WDR6: variants seen among roughly 807,000 people sequenced by gnomAD.
WDR6 encodes the protein tRNA (34-2'-O)-methyltransferase regulator WDR6.
Under a neutral mutation model 85.6 loss-of-function variants are expected in WDR6, and 58 were observed. The observed-to-expected ratio is 0.68, with a 90% CI of 0.55 to 0.84. The LOEUF (loss-of-function observed/expected upper bound fraction) is 0.84. WDR6 is among the 40% of genes least tolerant of loss of function. The pLI, the probability that WDR6 is intolerant of heterozygous loss-of-function variation, is 0.00. For missense variants in WDR6, 1,310 were observed against 1,476.4 expected, an observed-to-expected ratio of 0.89 and a Z score of 1.85; for synonymous variants, 569 against 582.2, an observed-to-expected ratio of 0.98 and a Z score of 0.33.
rs1265316740 is a variant in WDR6 at position 49,011,910 on chromosome 3, G to A, written c.376G>A (p.Glu126Lys). 1 of 1,614,128 alleles carries A rather than the reference G, an allele frequency of 6.2e-7. No individual in the cohort carries two copies. Among genetic ancestry groups the A allele is most frequent in the Non-Finnish European group, 8.5e-7 (1 of 1,180,054 alleles). The change falls in exon 2 of 6, where the codon GAG becomes AAG. Residue 126 changes from glutamate to lysine, a missense_variant. Physicochemically the swap from Glu to Lys is moderately conservative, Grantham distance 56. Transcript: ENST00000608424. Reference protein sequence around the residue: ...SDWIWDARWLEGNIALALGHN... With the variant: ...SDWIWDARWLKGNIALALGHN... ...CTGGATTTGGGATGCACGCTGGCTT[G>A]AGGGAAATATAGCCTTGGCCCTGGG...
In WDR6 at chr3:49,012,994, C is replaced by T. The variant is rs1180614948; in HGVS notation, c.1460C>T (p.Pro487Leu). The T allele has an allele frequency of 6.2e-7, 1 of 1,613,846 alleles. No individual in the cohort carries two copies. The highest frequency in any genetic ancestry group is 1.1e-5 in the South Asian group (1 of 91,076). ...AAGGAACGTTGTCGGTACCTGCTGC[C>T]CCCAAGCAAGCAGAGATGGCACACA... ...FVKERCRYLLPPSKQRWHTCS... is the reference protein window; with the variant it reads ...FVKERCRYLLLPSKQRWHTCS... Residue 487 changes from proline to leucine, a missense_variant, in exon 2 of 6, where the codon CCC becomes CTC. Physicochemically the swap from Pro to Leu is moderately conservative, Grantham distance 98 (BLOSUM62 -3). Transcript: ENST00000608424. The surrounding 1 kb of genome is among the most constrained non-coding windows in gnomAD (Gnocchi z 4.4).
rs1176043269 is a variant in WDR6 at position 49,014,855 on chromosome 3, C to A, written c.2933C>A (p.Ala978Asp). 5.6e-6 allele frequency: 9 copies of A among 1,608,766 alleles called. No homozygotes were observed. The highest frequency in any genetic ancestry group is 6.8e-6 in the Non-Finnish European group (8 of 1,176,142). ...GGCACCCCCTCCCTGACTCTCCAGGCCCACAGCTGTGGTATCAACAGCCTG... is the reference window on the plus strand; with the variant it reads ...GGCACCCCCTCCCTGACTCTCCAGGACCACAGCTGTGGTATCAACAGCCTG... ...RLGTPSLTLQ[A>D]HSCGINSLHT... Residue 978 changes from alanine to aspartate, a missense_variant, in exon 6 of 6, where the codon GCC (alanine) becomes GAC (aspartate). Physicochemically the swap from Ala to Asp is moderately radical, Grantham distance 126 (BLOSUM62 -2). Coordinates refer to ENST00000608424, the MANE Select transcript of WDR6 (RefSeq NM_018031.6). This position sits in a 1 kb window ranked among gnomAD's most constrained non-coding sequence, Gnocchi z 4.9.
Position 49,007,831 on chromosome 3 carries a change from G to T in WDR6, c.100+300G>T, listed in dbSNP as rs1052387825. Among the ~76,000 whole-genome samples, 8 of 152,052 alleles carry T rather than the reference G, an allele frequency of 5.3e-5. No individual in the cohort carries two copies. Among genetic ancestry groups the T allele is most frequent in the African/African-American group, 1.9e-4 (8 of 41,418 alleles). ...GGAACGCGGCCGCGCGGAGGCGGAG[G>T]CGGAGGCCCGGGAGCTGAGGGTTGA... On this transcript the variant is annotated intron_variant, in intron 1 of 5. Coordinates refer to ENST00000608424, the MANE Select transcript of WDR6 (RefSeq NM_018031.6). This position sits in a 1 kb window ranked among gnomAD's most constrained non-coding sequence, Gnocchi z 5.1.
chr3:49,008,184 T>A (rs2092995349), intron 1 of WDR6: 1 of 152,218 alleles, frequency 6.6e-6, no homozygotes, highest in Non-Finnish European at 1.5e-5. Flanking sequence ...ATGGTTGAGG[T>A]CCAGGAAATC....
chr3:49,012,597 ACT>A lies in WDR6; in HGVS notation c.1066_1067del (p.Leu356GlyfsTer11), dbSNP rs1219887461. ...RSRPGTLKAV[T>X]LAGSWRLLAV... ...TAGGCCAGGTACACTCAAGGCTGTG[ACT>A]CTGGCTGGCTCTTGGCGACTGCTGG... On this transcript the variant is annotated frameshift_variant, in exon 2 of 6. Transcript: ENST00000608424. LOFTEE classifies it high-confidence loss of function. This position sits in a 1 kb window ranked among gnomAD's most constrained non-coding sequence, Gnocchi z 4.4. 1.9e-6 allele frequency: 3 copies of A among 1,613,612 alleles called. No individual in the cohort carries two copies. Among genetic ancestry groups the A allele is most frequent in the Non-Finnish European group, 2.5e-6 (3 of 1,179,944 alleles).
In WDR6 at chr3:49,013,365, C is replaced by T. The variant is rs767340730; in HGVS notation, c.1831C>T (p.Arg611Ter). ...LQPVLRQKSC[R>*]GMNWLAGLRI... ...GCCAGTCCTAAGGCAGAAGTCCTGTCGAGGCATGAACTGGCTAGCTGGGCT... is the reference window on the plus strand; with the variant it reads ...GCCAGTCCTAAGGCAGAAGTCCTGTTGAGGCATGAACTGGCTAGCTGGGCT... Residue 611 changes from arginine to a stop codon, truncating the protein, a stop_gained, in exon 2 of 6, where the codon CGA becomes TGA. Coordinates refer to ENST00000608424, the MANE Select transcript of WDR6 (RefSeq NM_018031.6). LOFTEE classifies it high-confidence loss of function. This position sits in a 1 kb window ranked among gnomAD's most constrained non-coding sequence, Gnocchi z 4.6. The T allele has an allele frequency of 1.7e-5, 27 of 1,614,018 alleles. No homozygotes were observed. The highest frequency in any genetic ancestry group is 2.3e-5 in the Non-Finnish European group (27 of 1,180,030).
At chr3:49,011,398 T>C (rs2106691845) in intron 1 of WDR6, 6 of 1,420,330 alleles carry the variant, frequency 4.2e-6, no homozygotes, top group East Asian at 2.7e-5. Flanking sequence ...GATTTTCTTT[T>C]TTTTTTTTTT....
chr3:49,014,954 T>C lies in WDR6; in HGVS notation c.3032T>C (p.Val1011Ala). 6.2e-7 allele frequency: 1 copy of C among 1,614,178 alleles called. No individual in the cohort carries two copies. The highest frequency in any genetic ancestry group is 8.5e-7 in the Non-Finnish European group (1 of 1,180,020). The change falls in exon 6 of 6, where the codon GTG becomes GCG. Residue 1011 changes from valine to alanine, a missense_variant. Transcript: ENST00000608424. The surrounding 1 kb of genome is among the most constrained non-coding windows in gnomAD (Gnocchi z 4.9). ...GSEDGSLHVF[V>A]LAVEMLQLEE... ...GAAGATGGATCCCTCCATGTCTTCG[T>C]GCTTGCTGTGGAGATGCTACAGCTA...
chr3:49,010,184 A>G (rs559368806), intron 1 of WDR6, among the ~76,000 whole-genome samples: 2 of 152,010 alleles, frequency 1.3e-5, no homozygotes, highest in South Asian at 2.1e-4. Context: ...AGGTGGGCGG[A>G]TCATGAGGTC....
rs752490454 is a variant in WDR6, at chr3:49,013,924, G to T, written c.2390G>T (p.Gly797Val). 8.1e-6 allele frequency: 13 copies of T among 1,613,316 alleles called. No individual in the cohort carries two copies. The highest frequency in any genetic ancestry group is 8.0e-5 in the African/African-American group (6 of 74,902). ...GGTGGCCCTCAGGATCCTCAGCCAG[G>T]CCTGACTGCCCATGTGGTGTCTGCG... ...TPGGPQDPQPGLTAHVVSAGG... is the reference protein window; with the variant it reads ...TPGGPQDPQPVLTAHVVSAGG... Residue 797 changes from glycine to valine, a missense_variant, in exon 2 of 6, where the codon GGC becomes GTC. Coordinates refer to ENST00000608424, the MANE Select transcript of WDR6 (RefSeq NM_018031.6). This position sits in a 1 kb window ranked among gnomAD's most constrained non-coding sequence, Gnocchi z 4.6.
chr3:49,009,999 G>A (rs1389643595), intron 1 of WDR6, among the ~76,000 whole-genome samples: 1 of 151,568 alleles, frequency 6.6e-6, no homozygotes, highest in Non-Finnish European at 1.5e-5. Flanking sequence ...TGGGATTATC[G>A]GTGTGAGCCA....
rs2093042970 is a variant in WDR6 at position 49,014,870 on chromosome 3, T to A, written c.2948T>A (p.Ile983Asn). 3.1e-6 allele frequency: 5 copies of A among 1,612,274 alleles called. No homozygotes were observed. The highest frequency in any genetic ancestry group is 3.4e-6 in the Non-Finnish European group (4 of 1,178,624). ...SLTLQAHSCGINSLHTLPTRE... is the reference protein window; with the variant it reads ...SLTLQAHSCGNNSLHTLPTRE... ...ACTCTCCAGGCCCACAGCTGTGGTA[T>A]CAACAGCCTGCACACCTTGCCCACC... is the stretch of plus-strand genomic sequence containing the variant. Residue 983 changes from isoleucine (I) to asparagine (N), a missense_variant, in exon 6 of 6, where the codon ATC (isoleucine) becomes AAC (asparagine). By Grantham distance (149) the Ile-to-Asn change is moderately radical (BLOSUM62 -3). Transcript: ENST00000608424. The surrounding 1 kb of genome is among the most constrained non-coding windows in gnomAD (Gnocchi z 4.9).
rs1326512159 is a variant in WDR6 at position 49,012,811 on chromosome 3, C to T, written c.1277C>T (p.Thr426Ile). 1.9e-6 allele frequency: 3 copies of T among 1,614,006 alleles called. No individual in the cohort carries two copies. Among genetic ancestry groups the T allele is most frequent in the Admixed American group, 1.7e-5 (1 of 60,002 alleles). ...RVKVVPINTP[T>I]AAVDQTLFPG... ...AAGGTTGTCCCCATCAACACTCCAA[C>T]TGCTGCTGTGGACCAGACCCTGTTT... is the stretch of plus-strand genomic sequence containing the variant. The change falls in exon 2 of 6, where the codon ACT (threonine) becomes ATT (isoleucine). Residue 426 changes from threonine (T) to isoleucine (I), a missense_variant. Physicochemically the swap from Thr to Ile is moderately conservative, Grantham distance 89. Coordinates refer to ENST00000608424, the MANE Select transcript of WDR6 (RefSeq NM_018031.6). This position sits in a 1 kb window ranked among gnomAD's most constrained non-coding sequence, Gnocchi z 4.4.
rs375789136 is a variant in WDR6, at chr3:49,013,745, C to T, written c.2211C>T (p.Pro737=). The T allele has an allele frequency of 3.5e-5, 56 of 1,613,946 alleles. No homozygotes were observed. Among genetic ancestry groups the T allele is most frequent in the South Asian group, 4.4e-5 (4 of 91,084 alleles). ...ACCTGGAGCCTGGCAGTGAGGGGCC[C>T]GACTTGACTGACATTGTGATCACAT... ...PDDLEPGSEG[P]DLTDIVITCS... Residue 737 remains proline (P), a synonymous_variant, in exon 2 of 6, where the codon CCC becomes CCT. Transcript: ENST00000608424. The surrounding 1 kb of genome is among the most constrained non-coding windows in gnomAD (Gnocchi z 4.6).
Position 49,015,875 on chromosome 3 carries a change from A to AGAGAC in WDR6, c.*588_*592dup. The AGAGAC allele has an allele frequency of 1.9e-6, 3 of 1,614,192 alleles. No individual in the cohort carries two copies. The highest frequency in any genetic ancestry group is 2.5e-6 in the Non-Finnish European group (3 of 1,180,042). ...AGCTGTACCAGGAACTTGCATATCT[A>AGAGAC]GAGACAGAGACTGAGTCACTGGCCC... On this transcript the variant is annotated 3_prime_UTR_variant, in exon 6 of 6. Coordinates refer to ENST00000608424, the MANE Select transcript of WDR6 (RefSeq NM_018031.6).
Position 49,015,156 on chromosome 3 carries a change from C to T in WDR6, c.3234C>T (p.Pro1078=). ...LTFWRLGHGE[P]TFMNSTVFHV... is the part of the protein sequence containing the mutation. ...TCTGGCGTCTGGGGCATGGTGAACCCACCTTCATGAATAGCACTGTGTTCC... is the reference window on the plus strand; with the variant it reads ...TCTGGCGTCTGGGGCATGGTGAACCTACCTTCATGAATAGCACTGTGTTCC... The change falls in exon 6 of 6, where the codon CCC becomes CCT. Residue 1078 remains proline (P), a synonymous_variant. Transcript: ENST00000608424. 2 of 1,613,956 alleles carry T rather than the reference C, an allele frequency of 1.2e-6. No individual in the cohort carries two copies. Among genetic ancestry groups the T allele is most frequent in the African/African-American group, 1.3e-5 (1 of 75,056 alleles).
At chr3:49,010,849 C>CA (rs1362796360) in intron 1 of WDR6, among the ~76,000 whole-genome samples, 852 of 77,106 alleles carry the variant, frequency 0.011, 14 homozygotes, top group African/African-American at 0.031. Context: ...GACTCCGTCT[C>CA]AAAAAAAAAA....
Position 49,014,560 on chromosome 3 carries a change from ATC to A in WDR6, c.2784-36_2784-35del, listed in dbSNP as rs759774224. The stretch of plus-strand genomic sequence containing the variant: ...GGTTGGGGGGTTCCTGTTGAGCTTC[ATC>A]TCTGTTATTGACCAGGCTGTCTTTT... On this transcript the variant is annotated intron_variant, in intron 4 of 5. Transcript: ENST00000608424. The surrounding 1 kb of genome is among the most constrained non-coding windows in gnomAD (Gnocchi z 4.9). The A allele has an allele frequency of 1.9e-6, 3 of 1,613,376 alleles. No homozygotes were observed. Among genetic ancestry groups the A allele is most frequent in the East Asian group, 4.5e-5 (2 of 44,886 alleles).
In WDR6 at chr3:49,015,190, G is replaced by T; in HGVS notation, c.3268G>T (p.Asp1090Tyr). The T allele has an allele frequency of 6.2e-7, 1 of 1,613,868 alleles. No homozygotes were observed. The highest frequency in any genetic ancestry group is 8.5e-7 in the Non-Finnish European group (1 of 1,180,026). Residue 1090 changes from aspartate to tyrosine, a missense_variant, in exon 6 of 6, where the codon GAT (aspartate) becomes TAT (tyrosine). Asp to Tyr is a radical substitution (Grantham distance 160). Coordinates refer to ENST00000608424, the MANE Select transcript of WDR6 (RefSeq NM_018031.6). ...FMNSTVFHVP[D>Y]VADMDCWPVS... ...GAATAGCACTGTGTTCCATGTGCCT[G>T]ATGTGGCTGACATGGACTGCTGGCC... is the stretch of plus-strand genomic sequence containing the variant.
Sources: gnomAD v4.1 joint callset for allele counts (sites outside exome capture counted in the v4.1 genomes callset) on GRCh38, gnomAD v4.1.1 for gene constraint, Gnocchi (gnomAD v3.1) non-coding constraint, MANE v1.5 for transcripts, NCBI Gene and HGNC (gene_info 2026-07-23, HGNC 2026-07-21) for gene names.